The following FAM13C variants were observed in gnomAD, a reference collection of about 807,000 sequenced individuals.
The protein encoded by FAM13C is protein FAM13C.
In FAM13C, 37 loss-of-function variants were observed where a neutral mutation model predicts 73.2. The observed-to-expected ratio is 0.51, with a 90% CI of 0.39 to 0.67. FAM13C has a LOEUF of 0.67. Ranked by LOEUF, FAM13C falls within the 30% of genes least tolerant of loss-of-function variation. The pLI, the probability that FAM13C is intolerant of heterozygous loss-of-function variation, is 0.00. For synonymous variants in FAM13C, 246 were observed against 260.9 expected, an observed-to-expected ratio of 0.94 and a Z score of 0.55; for missense variants, 589 against 715.6, an observed-to-expected ratio of 0.82 and a Z score of 2.02.
chr10:59,267,761 T>C (rs1010156080), intron 8 of FAM13C, among the ~76,000 whole-genome samples: 2 of 152,152 alleles, frequency 1.3e-5, no homozygotes, highest in African/African-American at 2.4e-5. Flanking sequence ...TATTTCAAGA[T>C]GTATGAGAGA....
At chr10:59,354,563 T>C (rs1247501698) in intron 2 of FAM13C, among the ~76,000 whole-genome samples, 1 of 152,184 alleles carries the variant, frequency 6.6e-6, no homozygotes, top group Non-Finnish European at 1.5e-5. Context: ...AAAATAGATG[T>C]AATATCTGCT....
At chr10:59,330,472 G>A (rs1851823111) in intron 3 of FAM13C, among the ~76,000 whole-genome samples, 1 of 152,126 alleles carries the variant, frequency 6.6e-6, no homozygotes, top group African/African-American at 2.4e-5. Flanking sequence ...TGAGGCATGC[G>A]AGTTTTCACT....
At position 59,247,723 on chromosome 10, in the gene FAM13C, T is replaced by C. The variant is rs1840843266; in HGVS notation, c.1649A>G (p.Glu550Gly). The change falls in exon 14 of 14, where the codon GAA (glutamate) becomes GGA (glycine). Residue 550 changes from glutamate to glycine, a missense_variant. Transcript: ENST00000618804. ...CTCATCTGCCATTGGTATCCTATCTTCCTTTTGTGGACTTCTGCAAAACAA... is the reference window on the plus strand; with the variant it reads ...CTCATCTGCCATTGGTATCCTATCTCCCTTTTGTGGACTTCTGCAAAACAA... ...FKQTGRSPQKEDRIPMADEYY... is the reference protein window; with the variant it reads ...FKQTGRSPQKGDRIPMADEYY... The C allele has an allele frequency of 3.1e-6, 5 of 1,611,738 alleles. No homozygotes were observed. Among genetic ancestry groups the C allele is most frequent in the Non-Finnish European group, 4.2e-6 (5 of 1,178,990 alleles).
intron 5 of FAM13C, among the ~76,000 whole-genome samples, chr10:59,291,414 C>T (rs1846205735): frequency 6.6e-6 from 1 of 152,158 alleles, no homozygotes; most frequent in South Asian, 2.1e-4. Context: ...GCATGGTTTG[C>T]AGCACAGCAC....
At chr10:59,287,336 CAAAAAAAAAAAAAAAA>C (rs58759332) in intron 5 of FAM13C, among the ~76,000 whole-genome samples, 3 of 73,808 alleles carry the variant, frequency 4.1e-5, no homozygotes, top group Admixed American at 2.3e-4. Context: ...GACTCTGTCT[CAAAAAAAAAAAAAAAA>C]AAAAAAAAAA....
intron 8 of FAM13C, among the ~76,000 whole-genome samples, chr10:59,267,975 G>T (rs575980817): frequency 1.3e-5 from 2 of 152,224 alleles, no homozygotes; most frequent in East Asian, 3.9e-4. Context: ...GCTCATGTTT[G>T]CTGCAGTGCA....
At chr10:59,362,368 A>G (rs1200127455) in intron 1 of FAM13C, 31 bp downstream of exon 1, 2 of 1,611,406 alleles carry the variant, frequency 1.2e-6, no homozygotes, top group African/African-American at 1.3e-5. Context: ...AAAGGCATGC[A>G]AGTCTAATTT....
intron 11 of FAM13C, chr10:59,254,129 T>G: frequency 2.5e-6 from 1 of 396,292 alleles, no homozygotes; most frequent in Admixed American, 4.4e-5. Flanking sequence ...GACATACAAG[T>G]GCTATATGTT....
chr10:59,283,547 G>C, intron 5 of FAM13C, 100 bp from the exon 6 acceptor site: 1 of 1,136,466 alleles, frequency 8.8e-7, no homozygotes. Flanking sequence ...CAGCTAAGTA[G>C]ATGCCTAACA....
chr10:59,262,823 G>A (rs533230915), intron 9 of FAM13C, among the ~76,000 whole-genome samples, 178 bp from the exon 10 acceptor site: 43 of 152,214 alleles, frequency 2.8e-4, no homozygotes, highest in South Asian at 4.1e-4. Context: ...GCTCCCAATC[G>A]GGTGTGAAAA....
chr10:59,309,884 C>A (rs891369397), intron 4 of FAM13C, among the ~76,000 whole-genome samples: 1 of 152,142 alleles, frequency 6.6e-6, no homozygotes, highest in Non-Finnish European at 1.5e-5. Flanking sequence ...GGGTTATGGG[C>A]AGCTGCCAAT....
chr10:59,290,987 C>G (rs901635187), intron 5 of FAM13C, among the ~76,000 whole-genome samples: 1 of 152,114 alleles, frequency 6.6e-6, no homozygotes, highest in Non-Finnish European at 1.5e-5. Flanking sequence ...AGGACGTGCC[C>G]ATTCCAGAGA....
chr10:59,263,805 G>A, intron 9 of FAM13C: 1 of 406,376 alleles, frequency 2.5e-6, no homozygotes. Context: ...ATAACCTAGG[G>A]AGGTTAGTGC....
Position 59,270,149 on chromosome 10 carries a change from AG to A in FAM13C, c.593-41del, listed in dbSNP as rs371136281. The A allele has an allele frequency of 5.9e-5, 93 of 1,580,126 alleles. No homozygotes were observed. In the African/African-American group the frequency reaches 1.2e-3, roughly 20 times the overall value. On this transcript the variant is annotated intron_variant, in intron 6 of 13. Coordinates refer to ENST00000618804, the MANE Select transcript of FAM13C (RefSeq NM_198215.4). ...CAAATCATCAAGACTTAGAAGTGAC[AG>A]AGGGCTTGAGACTGTCATGTTCCTA...
chr10:59,304,010 T>G (rs1189350017), intron 4 of FAM13C, among the ~76,000 whole-genome samples: 1 of 152,014 alleles, frequency 6.6e-6, no homozygotes, highest in Non-Finnish European at 1.5e-5. Flanking sequence ...TAGTGGGGCG[T>G]GGTGGCAGGC....
At chr10:59,304,895 T>C (rs12264332) in intron 4 of FAM13C, among the ~76,000 whole-genome samples, 7,621 of 144,772 alleles carry the variant, frequency 0.053, 611 homozygotes, top group African/African-American at 0.14. Context: ...GAGAACAGCT[T>C]GTTGAAAAGA....
At chr10:59,266,391 G>T (rs764558033) in intron 8 of FAM13C, among the ~76,000 whole-genome samples, 2 of 152,180 alleles carry the variant, frequency 1.3e-5, no homozygotes, top group African/African-American at 2.4e-5. Context: ...CAGAGGCCCA[G>T]CAGGAGCCCA....
chr10:59,288,376 C>T (rs1036916931), intron 5 of FAM13C, among the ~76,000 whole-genome samples: 3 of 152,088 alleles, frequency 2.0e-5, no homozygotes, highest in Non-Finnish European at 4.4e-5. Context: ...TCCTGTAATC[C>T]CAGCTACTTG....
chr10:59,251,917 AGATT>A (rs901466646), intron 12 of FAM13C, among the ~76,000 whole-genome samples: 20 of 152,148 alleles, frequency 1.3e-4, no homozygotes, highest in Admixed American at 1.3e-4. Flanking sequence ...AGAGGCAAGG[AGATT>A]GATTGAATCC....
Sources: allele counts gnomAD v4.1 joint callset (sites outside exome capture counted in the v4.1 genomes callset), GRCh38; gene constraint gnomAD v4.1.1; transcripts MANE v1.5; gene names NCBI Gene and HGNC (gene_info 2026-07-23, HGNC 2026-07-21).